The following DICER1 variants were observed in gnomAD, a reference collection of about 807,000 sequenced individuals.
The protein encoded by DICER1 is dicer 1, ribonuclease III.
Under a neutral mutation model 194.1 loss-of-function variants are expected in DICER1, and 43 were observed. The observed-to-expected ratio is 0.22, with a 90% confidence interval of 0.17 to 0.29. DICER1 has a LOEUF of 0.29. Ranked by LOEUF, DICER1 falls within the 10% of genes least tolerant of loss-of-function variation. The pLI, the probability that DICER1 is intolerant of heterozygous loss-of-function variation, is 1.00. For synonymous variants in DICER1, 832 were observed against 820.5 expected, an observed-to-expected ratio of 1.01 and a Z score of -0.24; for missense variants, 1,608 against 2,317.0, an observed-to-expected ratio of 0.69 and a Z score of 6.28.
Position 95,103,387 on chromosome 14 carries a change from C to T in DICER1, c.4009G>A (p.Asp1337Asn). The change falls in exon 21 of 27, where the codon GAT becomes AAT. Residue 1337 changes from aspartate (D) to asparagine (N), a missense_variant. Around this residue, in one of 10 missense-constraint regions of DICER1, gnomAD observed 58 missense variants for 125.7 expected, o/e 0.46. Transcript: ENST00000343455. ...TATGAAAGGCGGCCCTCATGCGCAT[C>T]AGGGTAAGTGCAAAATAGATATGTG... is the stretch of plus-strand genomic sequence containing the variant. ...ITTYLFCTYP[D>N]AHEGRLSYMR... The T allele has an allele frequency of 6.2e-7, 1 of 1,614,188 alleles. No homozygotes were observed. Among genetic ancestry groups the T allele is most frequent in the Non-Finnish European group, 8.5e-7 (1 of 1,180,020 alleles).
At chr14:95,108,635 A>T (rs756651787) in intron 14 of DICER1, 132 bp from the exon 15 acceptor site, 3 of 851,502 alleles carry the variant, frequency 3.5e-6, no homozygotes, top group African/African-American at 1.7e-5. Context: ...TACCCGAGGC[A>T]TGACACTTCT....
intron 21 of DICER1, among the ~76,000 whole-genome samples, chr14:95,100,761 G>T (rs117524567): frequency 6.6e-5 from 10 of 152,248 alleles, no homozygotes; most frequent in Non-Finnish European, 1.3e-4. Context: ...CTCTTCCCAT[G>T]TAACTCAACT....
At chr14:95,117,867 C>A in intron 8 of DICER1, 113 bp from the exon 9 acceptor site, 1 of 976,514 alleles carries the variant, frequency 1.0e-6, no homozygotes, top group Non-Finnish European at 1.6e-6. Context: ...ACATACCTAA[C>A]AAAACGGTCT....
At position 95,105,298 on chromosome 14, in the gene DICER1, GA is replaced by G. The variant is rs371156380; in HGVS notation, c.3094-53del. On this transcript the variant is annotated intron_variant, in intron 19 of 26. Coordinates refer to ENST00000343455, the MANE Select transcript of DICER1 (RefSeq NM_177438.3). This position sits in a 1 kb window ranked among gnomAD's most constrained non-coding sequence, Gnocchi z 4.9. ...ATAAATACAAAGCGCACACACAAAA[GA>G]AAAAAAAAAAGACCAATTTCACTAA... 0.028 allele frequency: 29,167 copies of G among 1,023,552 alleles called. 464 individuals carry two copies. The highest frequency in any genetic ancestry group is 0.15 in the African/African-American group (8,399 of 56,244). The allele number at this position is 1,023,552 out of a possible 1,614,324, so 63.4% of individuals were successfully genotyped here. A position where few individuals can be genotyped will look rare whatever the true frequency, so the allele number is the denominator to read the frequency against.
intron 1 of DICER1, among the ~76,000 whole-genome samples, chr14:95,145,782 T>C (rs1178577576): frequency 1.3e-5 from 2 of 152,238 alleles, no homozygotes; most frequent in African/African-American, 4.8e-5. Context: ...CATTTGTCTT[T>C]TTAAAAAGTT....
rs1892600067 is a variant in DICER1, at chr14:95,117,681, T to C, written c.1450A>G (p.Ile484Val). Residue 484 changes from isoleucine to valine, a missense_variant, in exon 9 of 27, where the codon ATT becomes GTT. Ile to Val is a conservative substitution (Grantham distance 29). This residue lies in a region of DICER1 where 657 missense variants were observed against 910.1 expected (regional missense o/e 0.72). Coordinates refer to ENST00000343455, the MANE Select transcript of DICER1 (RefSeq NM_177438.3). ...ISSNFITGHGIGKNQPRNKQM... is the reference protein window; with the variant it reads ...ISSNFITGHGVGKNQPRNKQM... ...TTGTTGCGAGGCTGATTCTTCCCAA[T>C]GCCATGTCCAGTTATGAAATTGCTA... The C allele has an allele frequency of 6.2e-7, 1 of 1,614,094 alleles. No individual in the cohort carries two copies. The highest frequency in any genetic ancestry group is 1.1e-5 in the South Asian group (1 of 91,084).
At chr14:95,127,586 G>C (rs541798407) in intron 6 of DICER1, among the ~76,000 whole-genome samples, 1 of 152,292 alleles carries the variant, frequency 6.6e-6, no homozygotes, top group South Asian at 2.1e-4. Context: ...AATGAAACAG[G>C]TTTTGGTCGC....
rs35649919 is a variant in DICER1 at position 95,090,171 on chromosome 14, C to CAA, written c.*325_*326dup. The CAA allele has an allele frequency of 1.2e-4, 41 of 352,384 alleles. No homozygotes were observed. Among genetic ancestry groups the CAA allele is most frequent in the African/African-American group, 1.8e-4 (8 of 45,256 alleles). The allele number at this position is 352,384 out of a possible 1,614,324, so 21.8% of individuals were successfully genotyped here. ...ACACTAAGCAAAGCTGACATAAACT[C>CAA]AAAAAAAAAAAAACAAAACCTGTCA... On this transcript the variant is annotated 3_prime_UTR_variant, in exon 27 of 27. Transcript: ENST00000343455.
intron 6 of DICER1, among the ~76,000 whole-genome samples, chr14:95,126,979 A>G (rs1010001159): frequency 2.0e-5 from 3 of 152,334 alleles, no homozygotes; most frequent in Non-Finnish European, 2.9e-5. Flanking sequence ...GTGTTGTTTA[A>G]AAGATGTTTT....
chr14:95,117,228 T>C (rs1416394237), intron 9 of DICER1, among the ~76,000 whole-genome samples: 1 of 151,624 alleles, frequency 6.6e-6, no homozygotes, highest in Non-Finnish European at 1.5e-5. Flanking sequence ...TGAAACAAAA[T>C]AGGCCTTTAA....
intron 1 of DICER1, chr14:95,141,800 G>A (rs1019994192): frequency 6.6e-6 from 1 of 152,084 alleles, no homozygotes; most frequent in African/African-American, 2.4e-5. Flanking sequence ...TTTTTAAAAC[G>A]AACTTTAAGA....
At chr14:95,153,970 T>C (rs1895681855) in intron 1 of DICER1, among the ~76,000 whole-genome samples, 1 of 152,188 alleles carries the variant, frequency 6.6e-6, no homozygotes, top group Non-Finnish European at 1.5e-5. Flanking sequence ...GCGAGTATAA[T>C]ACATACACTG....
chr14:95,131,705 T>A, intron 3 of DICER1, 66 bp from the exon 4 acceptor site: 1 of 1,362,450 alleles, frequency 7.3e-7, no homozygotes, highest in Non-Finnish European at 1.0e-6. Context: ...TCTGGACTAC[T>A]AATGATTAAC....
chr14:95,107,970 A>G lies in DICER1; in HGVS notation c.2560T>C (p.Phe854Leu), dbSNP rs1595380414. 6.2e-7 allele frequency: 1 copy of G among 1,613,886 alleles called. No individual in the cohort carries two copies. Among genetic ancestry groups the G allele is most frequent in the East Asian group, 2.2e-5 (1 of 44,848 alleles). The change falls in exon 16 of 27, where the codon TTC becomes CTC. Residue 854 changes from phenylalanine to leucine, a missense_variant. Physicochemically the swap from Phe to Leu is conservative, Grantham distance 22 (BLOSUM62 0). Transcript: ENST00000343455. Reference protein sequence around the residue: ...ELITRLHQYIFSHILRLEKPA... With the variant: ...ELITRLHQYILSHILRLEKPA... ...TTTTCAAGCCGAAGAATATGTGAGAATATATACTGGTGAAGTCTTGTAATC... is the reference window on the plus strand; with the variant it reads ...TTTTCAAGCCGAAGAATATGTGAGAGTATATACTGGTGAAGTCTTGTAATC...
rs2139960446 is a variant in DICER1, at chr14:95,103,638, T to C, written c.3758A>G (p.Asp1253Gly). Residue 1253 changes from aspartate to glycine, a missense_variant, in exon 21 of 27, where the codon GAT (aspartate) becomes GGT (glycine). Physicochemically the swap from Asp to Gly is moderately conservative, Grantham distance 94 (BLOSUM62 -1). Coordinates refer to ENST00000343455, the MANE Select transcript of DICER1 (RefSeq NM_177438.3). The stretch of plus-strand genomic sequence containing the variant: ...CATTACGGCCATCACAGGACTTCCA[T>C]CTGAGGTAGATTTGTTAGCATTTCC... The part of the protein sequence containing the change: ...LDGNANKSTS[D>G]GSPVMAVMPG... The C allele has an allele frequency of 6.2e-7, 1 of 1,614,194 alleles. No individual in the cohort carries two copies. Among genetic ancestry groups the C allele is most frequent in the South Asian group, 1.1e-5 (1 of 91,084 alleles).
intron 10 of DICER1, 34 bp from the exon 11 acceptor site, chr14:95,115,855 A>G: frequency 6.2e-7 from 1 of 1,609,744 alleles, no homozygotes; most frequent in Non-Finnish European, 8.5e-7. Context: ...TATGATGAAA[A>G]CACATCCTCT....
At chr14:95,132,189 T>C (rs1238194911) in intron 3 of DICER1, among the ~76,000 whole-genome samples, 1 of 152,174 alleles carries the variant, frequency 6.6e-6, no homozygotes, top group Non-Finnish European at 1.5e-5. Context: ...TAATTATCCA[T>C]AATTAAGCAC....
chr14:95,120,147 G>C (rs1218028794), intron 8 of DICER1, among the ~76,000 whole-genome samples: 1 of 152,144 alleles, frequency 6.6e-6, no homozygotes, highest in Non-Finnish European at 1.5e-5. Flanking sequence ...TTCCTGCCAG[G>C]TTATTGAAAT....
Position 95,108,323 on chromosome 14 carries a change from C to T in DICER1, c.2436+1G>A, listed in dbSNP as rs1595381795. On this transcript the variant is annotated splice_donor_variant, in intron 15 of 26. Transcript: ENST00000343455. LOFTEE classifies it high-confidence loss of function. ...ATAAGTACTCATTATGAAATACCTA[C>T]CTGAGGTATGGGTTTGGCCGTCAGT... The T allele has an allele frequency of 6.2e-7, 1 of 1,613,160 alleles. No individual in the cohort carries two copies. Among genetic ancestry groups the T allele is most frequent in the Admixed American group, 1.7e-5 (1 of 59,986 alleles).
Sources: gnomAD v4.1 joint callset for allele counts (sites outside exome capture counted in the v4.1 genomes callset) on GRCh38, gnomAD v4.1.1 for gene constraint, gnomAD v4.1.1 regional missense constraint, Gnocchi (gnomAD v3.1) non-coding constraint, MANE v1.5 for transcripts, NCBI Gene and HGNC (gene_info 2026-07-23, HGNC 2026-07-21) for gene names.